Variants in SCHIP1 observed in about 807,000 individuals in gnomAD.
SCHIP1 encodes schwannomin interacting protein 1, also known as schwannomin-interacting protein 1.
Under a neutral mutation model 29.7 loss-of-function variants are expected in SCHIP1, and 8 were observed. The observed-to-expected ratio is 0.27, with a 90% CI of 0.16 to 0.49. The LOEUF (loss-of-function observed/expected upper bound fraction) is 0.49. Among genes scored for constraint, SCHIP1 ranks in the 20% least tolerant of loss-of-function variants. SCHIP1 has a pLI of 0.99. For synonymous variants in SCHIP1, 76 were observed against 94.9 expected, an observed-to-expected ratio of 0.80 and a Z score of 1.16; for missense variants, 193 against 294.6, an observed-to-expected ratio of 0.66 and a Z score of 2.52.
At chr3:159,734,109 C>T in the SCHIP1 span, among the ~76,000 whole-genome samples, 1 of 150,198 alleles carries the variant, frequency 6.7e-6, no homozygotes, top group Non-Finnish European at 1.5e-5. Context: ...CTAAAAGTAC[C>T]ATATTGTTAT....
At chr3:159,551,450 T>C in the SCHIP1 span, among the ~76,000 whole-genome samples, 6 of 152,156 alleles carry the variant, frequency 3.9e-5, no homozygotes, top group African/African-American at 1.4e-4. Context: ...ATCACTAGCT[T>C]TAGTGCACTG....
the SCHIP1 span, among the ~76,000 whole-genome samples, chr3:159,565,611 G>A: frequency 6.6e-6 from 1 of 152,256 alleles, no homozygotes; most frequent in African/African-American, 2.4e-5. Context: ...TTTACACTAA[G>A]GAAACTTCTT....
At chr3:159,274,582 CT>C in the SCHIP1 span, 1 of 826,258 alleles carries the variant, frequency 1.2e-6, no homozygotes, top group Non-Finnish European at 1.5e-6. Flanking sequence ...TCAAAAACAT[CT>C]TTTAACTCCA....
chr3:159,288,509 G>A, the SCHIP1 span, among the ~76,000 whole-genome samples: 5 of 152,100 alleles, frequency 3.3e-5, no homozygotes, highest in Admixed American at 6.6e-5. Context: ...AGGCCGGGGC[G>A]GGCGGATCAT....
the SCHIP1 span, among the ~76,000 whole-genome samples, chr3:159,304,427 A>G: frequency 1.3e-5 from 2 of 152,176 alleles, no homozygotes; most frequent in Non-Finnish European, 2.9e-5. Context: ...TTCCTTAATC[A>G]TTATACTTCG....
the SCHIP1 span, among the ~76,000 whole-genome samples, chr3:159,718,996 C>T: frequency 1.3e-5 from 2 of 152,188 alleles, no homozygotes; most frequent in African/African-American, 4.8e-5. Context: ...TACAAGCCTA[C>T]AGTAACCAAA....
chr3:159,790,777 T>G, the SCHIP1 span, among the ~76,000 whole-genome samples: 1 of 152,210 alleles, frequency 6.6e-6, no homozygotes, highest in African/African-American at 2.4e-5. Context: ...TTTTCAAAAT[T>G]TTTCATGTCC....
At chr3:159,881,055 A>G (rs544919438) in intron 2 of SCHIP1, among the ~76,000 whole-genome samples, 1 of 152,318 alleles carries the variant, frequency 6.6e-6, no homozygotes, top group Non-Finnish European at 1.5e-5. Flanking sequence ...ACAATTTACA[A>G]GGAGTAGCAG....
chr3:159,489,108 G>T, the SCHIP1 span, among the ~76,000 whole-genome samples: 6 of 152,294 alleles, frequency 3.9e-5, no homozygotes, highest in African/African-American at 1.4e-4. Context: ...TTGATTAAGT[G>T]ATAAGAAAGT....
the SCHIP1 span, among the ~76,000 whole-genome samples, chr3:159,370,801 C>T: frequency 6.6e-6 from 1 of 152,130 alleles, no homozygotes; most frequent in Non-Finnish European, 1.5e-5. Context: ...CATCAGTGCC[C>T]TATCTTGTCC....
At chr3:159,617,297 GGTCTCTTTCTGATCTTTCCCTGCCTCCCT>G in the SCHIP1 span, among the ~76,000 whole-genome samples, 1 of 152,100 alleles carries the variant, frequency 6.6e-6, no homozygotes, top group Non-Finnish European at 1.5e-5. Flanking sequence ...TTAGAACCAA[GGTCTCTTTCTGATCTTTCCCTGCCTCCCT>G]GTCTCTCCGA....
chr3:159,523,520 A>T, the SCHIP1 span, among the ~76,000 whole-genome samples: 1 of 152,192 alleles, frequency 6.6e-6, no homozygotes, highest in African/African-American at 2.4e-5. Flanking sequence ...AAAATAGGGA[A>T]AGAGGAATCG....
intron 2 of SCHIP1, among the ~76,000 whole-genome samples, chr3:159,883,351 A>C (rs2109404092): frequency 6.6e-6 from 1 of 152,264 alleles, no homozygotes; most frequent in East Asian, 1.9e-4. Context: ...AGCCAGATGC[A>C]CTGCAGTGTG....
rs1716974909 is a variant in SCHIP1 at position 159,886,487 on chromosome 3, A to G, written c.267+163A>G. ...AAATTTGACAATGATTAAAAAGTCA[A>G]AGTTGTAATAAAATAGAGATATATA... On this transcript the variant is annotated intron_variant, in intron 3 of 6. Coordinates refer to ENST00000445224, the Ensembl canonical transcript of SCHIP1. 8 of 592,976 alleles carry G rather than the reference A, an allele frequency of 1.3e-5. No individual in the cohort carries two copies. In the East Asian group the frequency reaches 2.3e-4, roughly 17 times the overall value. 36.7% of individuals were successfully genotyped at this position (592,976 alleles called of 1,614,324 possible). A position where few individuals can be genotyped will look rare whatever the true frequency, so the allele number is the denominator to read the frequency against.
the SCHIP1 span, among the ~76,000 whole-genome samples, chr3:159,446,436 A>G: frequency 6.6e-6 from 1 of 152,182 alleles, no homozygotes; most frequent in East Asian, 1.9e-4. Flanking sequence ...ACAGCAATAC[A>G]ATATTGTTGC....
intron 2 of SCHIP1, among the ~76,000 whole-genome samples, chr3:159,868,002 T>TTATA (rs1257484064): frequency 6.4e-4 from 75 of 117,038 alleles, no homozygotes; most frequent in East Asian, 2.5e-3. Flanking sequence ...AATCAATGAT[T>TTATA]TATATATATA....
the SCHIP1 span, among the ~76,000 whole-genome samples, chr3:159,452,340 C>T: frequency 6.6e-6 from 1 of 152,044 alleles, no homozygotes; most frequent in Non-Finnish European, 1.5e-5. Context: ...GTGATGTTCC[C>T]CTCCCTGTGT....
chr3:159,714,613 G>A, the SCHIP1 span, among the ~76,000 whole-genome samples: 565 of 152,334 alleles, frequency 3.7e-3, 3 homozygotes, highest in African/African-American at 0.013. Context: ...TGCCTGGCTC[G>A]GAGGGTCCTA....
At chr3:159,476,385 C>G in the SCHIP1 span, among the ~76,000 whole-genome samples, 1 of 151,984 alleles carries the variant, frequency 6.6e-6, no homozygotes, top group African/African-American at 2.4e-5. Context: ...TTTATTTATT[C>G]TATAATGTCT....
Sources: gnomAD v4.1 joint callset for allele counts (sites outside exome capture counted in the v4.1 genomes callset) on GRCh38, gnomAD v4.1.1 for gene constraint, MANE v1.5 for transcripts, NCBI Gene and HGNC (gene_info 2026-07-23, HGNC 2026-07-21) for gene names.